The following PCDHGA3 variants were observed in gnomAD, a reference collection of about 807,000 sequenced individuals.
PCDHGA3 encodes protocadherin gamma-A3.
A neutral mutation model predicts 58.5 loss-of-function variants in PCDHGA3; 40 were observed. That is an observed-to-expected ratio of 0.68 (90% CI 0.53 to 0.89). PCDHGA3 has a LOEUF of 0.89. PCDHGA3 is among the 40% of genes least tolerant of loss of function. The probability of loss-of-function intolerance (pLI) is 0.00; values close to 1 mark genes in which losing one functional copy is unlikely to be tolerated. For synonymous variants in PCDHGA3, 530 were observed against 525.7 expected (o/e 1.01, Z -0.11); for missense variants, 1,223 against 1,195.9 (o/e 1.02, Z -0.33).
Position 141,404,868 on chromosome 5 carries a change from A to G in PCDHGA3, c.2424+58411A>G, listed in dbSNP as rs375122600. On this transcript the variant is annotated intron_variant, in intron 1 of 3. Coordinates refer to ENST00000253812, the MANE Select transcript of PCDHGA3 (RefSeq NM_018916.4). Reference sequence around the variant, plus strand: ...GCCCTGCTAGATAGAGATGCGCTCAAACAGAGCCTTGTGGTGGCTGTACAG... The same window carrying G: ...GCCCTGCTAGATAGAGATGCGCTCAGACAGAGCCTTGTGGTGGCTGTACAG... 5.1e-5 allele frequency: 83 copies of G among 1,613,770 alleles called. 1 individual carries two copies. The highest frequency in any genetic ancestry group is 6.9e-5 in the Non-Finnish European group (81 of 1,179,896).
At chr5:141,375,325 G>A (rs1021429198) in intron 1 of PCDHGA3, 6 of 1,613,650 alleles carry the variant, frequency 3.7e-6, no homozygotes, top group Admixed American at 1.7e-5. Context: ...ACCGGGAAGA[G>A]GTATTCTTGT....
At chr5:141,464,913 AT>A (rs1366203949) in intron 1 of PCDHGA3, among the ~76,000 whole-genome samples, 1 of 151,428 alleles carries the variant, frequency 6.6e-6, no homozygotes, top group Non-Finnish European at 1.5e-5. Context: ...TAATTTTTTT[AT>A]TTTTTTGTAG....
chr5:141,395,547 TGTGTGTGTGTG>T (rs750624769), intron 1 of PCDHGA3: 54,616 of 173,956 alleles, frequency 0.31, 7,840 homozygotes, highest in East Asian at 0.41. Context: ...ATTGTTTGTG[TGTGTGTGTGTG>T]TGTGTGTGTG....
Position 141,493,359 on chromosome 5 carries a change from G to A in PCDHGA3, c.2425-1448G>A, listed in dbSNP as rs956980110. Among the ~76,000 whole-genome samples the A allele has an allele frequency of 2.6e-5, 4 of 152,148 alleles. No homozygotes were observed. The highest frequency in any genetic ancestry group is 9.7e-5 in the African/African-American group (4 of 41,418). ...CCAGAATGTGTGCTTTTAATTTCTT[G>A]GCACTTGGAACTTTAAAAGCTTGAG... On this transcript the variant is annotated intron_variant, in intron 1 of 3. Transcript: ENST00000253812. This position sits in a 1 kb window ranked among gnomAD's most constrained non-coding sequence, Gnocchi z 4.3.
chr5:141,431,333 C>G lies in PCDHGA3; in HGVS notation c.2425-63474C>G. 1.2e-6 allele frequency: 2 copies of G among 1,614,058 alleles called. No individual in the cohort carries two copies. The highest frequency in any genetic ancestry group is 2.2e-5 in the South Asian group (2 of 91,088). Reference sequence around the variant, plus strand: ...AAATGGAGCCGACGGTAGTAAGTACCCCGAATTGGTGCTGAAACGCGCCCT... The same window carrying G: ...AAATGGAGCCGACGGTAGTAAGTACGCCGAATTGGTGCTGAAACGCGCCCT... On this transcript the variant is annotated intron_variant, in intron 1 of 3. Coordinates refer to ENST00000253812, the MANE Select transcript of PCDHGA3 (RefSeq NM_018916.4). The surrounding 1 kb of genome is among the most constrained non-coding windows in gnomAD (Gnocchi z 4.8).
rs2096260633 is a variant in PCDHGA3 at position 141,418,459 on chromosome 5, G to C, written c.2424+72002G>C. 2.5e-6 allele frequency: 4 copies of C among 1,613,992 alleles called. No homozygotes were observed. In the East Asian group the frequency reaches 6.7e-5, roughly 27 times the overall value. ...CAGAATTAGTATTGCAGAAGACTCT[G>C]GACCGAGAAACGCAGAGCGCTCACC... On this transcript the variant is annotated intron_variant, in intron 1 of 3. Transcript: ENST00000253812.
chr5:141,360,767 T>C (rs535475793), intron 1 of PCDHGA3: 8 of 1,613,940 alleles, frequency 5.0e-6, no homozygotes, highest in Non-Finnish European at 6.8e-6. Flanking sequence ...CATCAATTGG[T>C]CCTCACAGCT....
chr5:141,462,959 G>A lies in PCDHGA3; in HGVS notation c.2425-31848G>A, dbSNP rs188938907. 5.1e-3 allele frequency among the ~76,000 whole-genome samples: 776 copies of A among 152,188 alleles called. 5 individuals are homozygous for A. Among genetic ancestry groups the A allele is most frequent in the Non-Finnish European group, 8.2e-3 (557 of 67,994 alleles). On this transcript the variant is annotated intron_variant, in intron 1 of 3. Transcript: ENST00000253812. ...AAGGCTTGTTTTTAAGCTTTGTTAGGACAGGTCTGTAGTAACTTTTGCCTT... is the reference window on the plus strand; with the variant it reads ...AAGGCTTGTTTTTAAGCTTTGTTAGAACAGGTCTGTAGTAACTTTTGCCTT...
chr5:141,471,564 T>C (rs1352708320), intron 1 of PCDHGA3: 1 of 152,184 alleles, frequency 6.6e-6, no homozygotes, highest in African/African-American at 2.4e-5. Context: ...GACTCAGGGG[T>C]AGCAGTAGAT....
chr5:141,491,802 G>C lies in PCDHGA3; in HGVS notation c.2425-3005G>C, dbSNP rs759587995. 1 of 1,497,480 alleles carries C rather than the reference G, an allele frequency of 6.7e-7. No homozygotes were observed. The highest frequency in any genetic ancestry group is 1.3e-5 in the South Asian group (1 of 74,938). The allele number at this position is 1,497,480 out of a possible 1,614,324, so 92.8% of individuals were successfully genotyped here. A position where few individuals can be genotyped will look rare whatever the true frequency, so the allele number is the denominator to read the frequency against. On this transcript the variant is annotated intron_variant, in intron 1 of 3. Coordinates refer to ENST00000253812, the MANE Select transcript of PCDHGA3 (RefSeq NM_018916.4). The surrounding 1 kb of genome is among the most constrained non-coding windows in gnomAD (Gnocchi z 6.9). ...ACTTGCATCCACTCCTCTCCGGCCG[G>C]CTTGGTCGCTGGCTGCGCTCCACCC...
intron 1 of PCDHGA3, chr5:141,468,330 C>CAAAAAA (rs533390277): frequency 1.3e-5 from 1 of 79,878 alleles, no homozygotes. Context: ...AACTCCATCT[C>CAAAAAA]AAAAAAAAAA....
At chr5:141,430,907 A>G (rs776543955) in intron 1 of PCDHGA3, 1 of 1,606,916 alleles carries the variant, frequency 6.2e-7, no homozygotes, top group Non-Finnish European at 8.5e-7. Flanking sequence ...CGACATCTCC[A>G]GGGACCTGGG....
intron 1 of PCDHGA3, chr5:141,403,903 G>T: frequency 1.2e-6 from 2 of 1,613,804 alleles, no homozygotes; most frequent in Non-Finnish European, 1.7e-6. Context: ...TTTATGAAAT[G>T]GAAATACAAG....
chr5:141,370,405 G>T, intron 1 of PCDHGA3: 3 of 1,559,818 alleles, frequency 1.9e-6, no homozygotes, highest in Non-Finnish European at 2.6e-6. Flanking sequence ...ATGGGAAATA[G>T]CTCCGGATGG....
Position 141,432,951 on chromosome 5 carries a change from G to T in PCDHGA3, c.2425-61856G>T, listed in dbSNP as rs758046420. 1.2e-6 allele frequency: 2 copies of T among 1,614,178 alleles called. No individual in the cohort carries two copies. The highest frequency in any genetic ancestry group is 4.5e-5 in the East Asian group (2 of 44,858). On this transcript the variant is annotated intron_variant, in intron 1 of 3. Coordinates refer to ENST00000253812, the MANE Select transcript of PCDHGA3 (RefSeq NM_018916.4). This position sits in a 1 kb window ranked among gnomAD's most constrained non-coding sequence, Gnocchi z 6.0. ...CGCCTGCTGCAGGCTTCAGGAGGCGGCTTGACAGGAGCGCCGGCGTCGCAC... is the reference window on the plus strand; with the variant it reads ...CGCCTGCTGCAGGCTTCAGGAGGCGTCTTGACAGGAGCGCCGGCGTCGCAC...
chr5:141,488,437 C>A (rs1327345486), intron 1 of PCDHGA3, among the ~76,000 whole-genome samples: 2 of 152,210 alleles, frequency 1.3e-5, no homozygotes, highest in Non-Finnish European at 2.9e-5. Context: ...CCTCTGACCA[C>A]CCTCCTGGGT....
At chr5:141,384,620 G>T in intron 1 of PCDHGA3, 1 of 1,614,200 alleles carries the variant, frequency 6.2e-7, no homozygotes, top group Non-Finnish European at 8.5e-7. Flanking sequence ...GGTTCTACTG[G>T]CATGGAGCTG....
intron 1 of PCDHGA3, chr5:141,409,175 G>A: frequency 5.0e-6 from 8 of 1,614,008 alleles, no homozygotes; most frequent in Non-Finnish European, 6.8e-6. Flanking sequence ...GAAGGACGGA[G>A]GTGGTCTCTC....
At chr5:141,352,456 G>A in intron 1 of PCDHGA3, 2 of 1,614,010 alleles carry the variant, frequency 1.2e-6, no homozygotes, top group Non-Finnish European at 1.7e-6. Context: ...CCAAGTCTGG[G>A]CCCGGGGTTC....
Sources: allele counts gnomAD v4.1 joint callset (sites outside exome capture counted in the v4.1 genomes callset), GRCh38; gene constraint gnomAD v4.1.1; non-coding constraint Gnocchi (gnomAD v3.1); transcripts MANE v1.5; gene names NCBI Gene and HGNC (gene_info 2026-07-23, HGNC 2026-07-21).